Variants in LRRC63 observed in about 807,000 individuals in gnomAD.
LRRC63 encodes the protein leucine rich repeat containing 63, also known as leucine-rich repeat-containing protein 63.
Under a neutral mutation model 49.5 loss-of-function variants are expected in LRRC63, and 40 were observed. That is an observed-to-expected ratio of 0.81 (90% CI 0.63 to 1.05). LRRC63 has a LOEUF of 1.05. Ranked by LOEUF, LRRC63 falls within the 50% of genes least tolerant of loss-of-function variation. The pLI, the probability that LRRC63 is intolerant of heterozygous loss-of-function variation, is 0.00. For missense variants in LRRC63, 636 were observed against 663.1 expected, an observed-to-expected ratio of 0.96 and a Z score of 0.45; for synonymous variants, 191 against 221.1, an observed-to-expected ratio of 0.86 and a Z score of 1.21.
At chr13:46,221,038 T>G (rs779468422) in intron 2 of LRRC63, among the ~76,000 whole-genome samples, 1 of 152,224 alleles carries the variant, frequency 6.6e-6, no homozygotes, top group Non-Finnish European at 1.5e-5. Flanking sequence ...TATAACTGTT[T>G]ACCTGCCTAG....
intron 7 of LRRC63, among the ~76,000 whole-genome samples, chr13:46,255,100 G>A (rs1412461163): frequency 6.6e-6 from 1 of 151,986 alleles, no homozygotes; most frequent in Non-Finnish European, 1.5e-5. Flanking sequence ...AGAATGAAAT[G>A]CTAGTATATG....
At chr13:46,237,432 G>C (rs1328404679) in intron 5 of LRRC63, among the ~76,000 whole-genome samples, 1 of 152,188 alleles carries the variant, frequency 6.6e-6, no homozygotes, top group Admixed American at 6.5e-5. Context: ...TACCAACATG[G>C]TGTACAAGTT....
intron 7 of LRRC63, among the ~76,000 whole-genome samples, chr13:46,258,972 A>C (rs986559903): frequency 1.3e-5 from 2 of 152,158 alleles, no homozygotes; most frequent in African/African-American, 4.8e-5. Context: ...GCAAATTAGA[A>C]GTTAATAAAG....
At chr13:46,273,475 A>C (rs1336048742) in intron 9 of LRRC63, among the ~76,000 whole-genome samples, 1 of 151,564 alleles carries the variant, frequency 6.6e-6, no homozygotes, top group Non-Finnish European at 1.5e-5. Context: ...GCTGGCGGGC[A>C]CCTGTAGTCC....
chr13:46,241,342 T>C (rs982792387), intron 5 of LRRC63, among the ~76,000 whole-genome samples: 3 of 151,396 alleles, frequency 2.0e-5, no homozygotes, highest in Non-Finnish European at 4.4e-5. Context: ...TTAAAGACTT[T>C]AATGTAAAAT....
intron 7 of LRRC63, among the ~76,000 whole-genome samples, chr13:46,258,604 T>G (rs1676321716): frequency 6.6e-6 from 1 of 150,386 alleles, no homozygotes. Flanking sequence ...GGTCAGGAGA[T>G]CGAGACCATC....
At chr13:46,230,134 G>A (rs1290999586) in intron 4 of LRRC63, among the ~76,000 whole-genome samples, 1 of 151,940 alleles carries the variant, frequency 6.6e-6, no homozygotes, top group Non-Finnish European at 1.5e-5. Context: ...GATTTAGAGG[G>A]GACAACATCC....
chr13:46,227,548 T>C (rs2046611511), exon 3 of LRRC63: 2 of 1,542,260 alleles, frequency 1.3e-6, no homozygotes. Flanking sequence ...CATGTAGCAT[T>C]CACTGAAGAT....
At chr13:46,258,346 G>A (rs972174646) in intron 7 of LRRC63, among the ~76,000 whole-genome samples, 1 of 150,234 alleles carries the variant, frequency 6.7e-6, no homozygotes, top group Non-Finnish European at 1.5e-5. Flanking sequence ...GGCCAGGCTG[G>A]TCTTGAACTC....
intron 6 of LRRC63, chr13:46,249,985 A>G (rs1566499927): frequency 6.4e-6 from 1 of 155,106 alleles, no homozygotes; most frequent in Non-Finnish European, 1.4e-5. Flanking sequence ...CACTTTTCTG[A>G]TCACTAAGGT....
rs186043477 is a variant in LRRC63 at position 46,266,371 on chromosome 13, T to A, written c.1311-362T>A. Reference sequence around the variant, plus strand: ...TTGATTGGGCTTGAATATGTGTTGATGTTTAATTTGTCTATGAAAATATAT... The same window carrying A: ...TTGATTGGGCTTGAATATGTGTTGAAGTTTAATTTGTCTATGAAAATATAT... On this transcript the variant is annotated intron_variant, in intron 8 of 9. Transcript: ENST00000595396. 8.5e-3 allele frequency among the ~76,000 whole-genome samples: 1,297 copies of A among 152,338 alleles called. 7 individuals are homozygous for A. The highest frequency in any genetic ancestry group is 0.013 in the Non-Finnish European group (908 of 68,016).
At chr13:46,255,197 T>C (rs749029423) in intron 7 of LRRC63, among the ~76,000 whole-genome samples, 52 of 152,226 alleles carry the variant, frequency 3.4e-4, no homozygotes, top group Middle Eastern at 6.8e-3. Context: ...TGTGCTTATA[T>C]AAGGTACCTA....
intron 9 of LRRC63, chr13:46,270,742 C>G (rs1370996776): frequency 7.8e-6 from 4 of 513,436 alleles, no homozygotes; most frequent in Non-Finnish European, 1.4e-5. Context: ...GCCGAGGAGG[C>G]CTGGTGCTTC....
At chr13:46,224,728 A>G (rs959103518) in intron 2 of LRRC63, among the ~76,000 whole-genome samples, 6 of 152,146 alleles carry the variant, frequency 3.9e-5, no homozygotes, top group African/African-American at 1.4e-4. Flanking sequence ...ATAGGGTAGG[A>G]CTTTTTTCTG....
chr13:46,235,908 A>G (rs796717242), intron 5 of LRRC63, among the ~76,000 whole-genome samples: 13 of 152,264 alleles, frequency 8.5e-5, no homozygotes, highest in African/African-American at 3.1e-4. Flanking sequence ...GTGAACAAAG[A>G]TTTCAATAAG....
intron 5 of LRRC63, among the ~76,000 whole-genome samples, chr13:46,243,583 AAAC>A (rs1387568860): frequency 6.6e-6 from 1 of 152,212 alleles, no homozygotes; most frequent in Non-Finnish European, 1.5e-5. Context: ...ACGTAAATTG[AAAC>A]CAAAAAAGAG....
chr13:46,248,012 G>C (rs910038345), intron 6 of LRRC63, among the ~76,000 whole-genome samples: 1 of 151,966 alleles, frequency 6.6e-6, no homozygotes, highest in Non-Finnish European at 1.5e-5. Flanking sequence ...AATTGAATAT[G>C]TATGAAGAAC....
rs536693269 is a variant in LRRC63 at position 46,265,727 on chromosome 13, C to A, written c.1311-1006C>A. Among the ~76,000 whole-genome samples the A allele has an allele frequency of 3.9e-5, 6 of 152,292 alleles. No individual in the cohort carries two copies. The East Asian group carries it at 1.2e-3, about 29-fold the overall frequency. The stretch of plus-strand genomic sequence containing the variant: ...AGAGCAGGGCTCTCTGCTGCCGGCC[C>A]CTAGGCTTGTGATTTGCGCAGAAGA... On this transcript the variant is annotated intron_variant, in intron 8 of 9. Transcript: ENST00000595396.
chr13:46,239,427 A>T (rs1325976787), intron 5 of LRRC63, among the ~76,000 whole-genome samples: 1 of 152,176 alleles, frequency 6.6e-6, no homozygotes, highest in Non-Finnish European at 1.5e-5. Flanking sequence ...TCCTCCCAAG[A>T]CTGAACCAGG....
Sources: allele counts gnomAD v4.1 joint callset (sites outside exome capture counted in the v4.1 genomes callset), GRCh38; gene constraint gnomAD v4.1.1; transcripts MANE v1.5; gene names NCBI Gene and HGNC (gene_info 2026-07-23, HGNC 2026-07-21).